The following SFMBT1 variants were observed in gnomAD, a reference collection of about 807,000 sequenced individuals.
SFMBT1 encodes the protein scm-like with four MBT domains protein 1.
A neutral mutation model predicts 108.7 loss-of-function variants in SFMBT1; 32 were observed. That is an observed-to-expected ratio of 0.29 (90% confidence interval 0.22 to 0.40). The LOEUF (loss-of-function observed/expected upper bound fraction) is 0.40. Among genes scored for constraint, SFMBT1 ranks in the 10% least tolerant of loss-of-function variants. The pLI is 1.00. For synonymous variants in SFMBT1, 348 were observed against 369.5 expected, an observed-to-expected ratio of 0.94 and a Z score of 0.67; for missense variants, 816 against 1,059.6, an observed-to-expected ratio of 0.77 and a Z score of 3.19.
At chr3:53,045,353 G>A (rs1230296725) in intron 1 of SFMBT1, 2 of 143,820 alleles carry the variant, frequency 1.4e-5, no homozygotes, top group African/African-American at 2.5e-5. Flanking sequence ...GTCCGCGGGG[G>A]CTCGGCGGGC....
At chr3:53,035,129 G>A (rs1412435111) in intron 1 of SFMBT1, among the ~76,000 whole-genome samples, 2 of 152,118 alleles carry the variant, frequency 1.3e-5, no homozygotes, top group East Asian at 1.9e-4. Context: ...GGAATAAGCT[G>A]GACAAATGGA....
intron 3 of SFMBT1, among the ~76,000 whole-genome samples, chr3:52,943,918 T>C (rs974257629): frequency 6.6e-6 from 1 of 152,226 alleles, no homozygotes; most frequent in African/African-American, 2.4e-5. Context: ...ACAAGAATGA[T>C]TTCTGCATCA....
chr3:52,926,267 G>C lies in SFMBT1; in HGVS notation c.1049-154C>G, dbSNP rs1702654612. On this transcript the variant is annotated intron_variant, in intron 9 of 20. Coordinates refer to ENST00000394752, the MANE Select transcript of SFMBT1 (RefSeq NM_016329.4). The stretch of plus-strand genomic sequence containing the variant: ...GGGCGAAAAGCATTCTATAAATCTA[G>C]AGCACTGTTAATTTTATAAAATAGA... Among the ~76,000 whole-genome samples the C allele has an allele frequency of 2.6e-5, 4 of 152,166 alleles. No homozygotes were observed. In the South Asian group the frequency reaches 8.3e-4, roughly 32 times the overall value.
chr3:52,983,365 T>G (rs1374806133), intron 1 of SFMBT1, among the ~76,000 whole-genome samples: 1 of 152,252 alleles, frequency 6.6e-6, no homozygotes, highest in East Asian at 1.9e-4. Flanking sequence ...AAATACGTGT[T>G]GATTGACTGC....
intron 2 of SFMBT1, among the ~76,000 whole-genome samples, chr3:52,962,036 T>G (rs61172708): frequency 0.09 from 13,770 of 152,238 alleles, 641 homozygotes; most frequent in African/African-American, 0.099. Flanking sequence ...TATGAAAATG[T>G]GCAAATTTTG....
rs1698508840 is a variant in SFMBT1, at chr3:53,000,455, G to C, written c.-130-31197C>G. ...GTATTGTGATCACACAATTACATTA[G>C]GAAAATGTCTTATTCTTAGAGATGT... On this transcript the variant is annotated intron_variant, in intron 1 of 20. Coordinates refer to ENST00000394752, the MANE Select transcript of SFMBT1 (RefSeq NM_016329.4). Among the ~76,000 whole-genome samples the C allele has an allele frequency of 1.3e-5, 2 of 149,708 alleles. 1 individual carries two copies. Among genetic ancestry groups the C allele is most frequent in the Admixed American group, 1.4e-4 (2 of 14,778 alleles).
chr3:52,950,063 T>C (rs1292618486), intron 3 of SFMBT1, among the ~76,000 whole-genome samples: 1 of 152,208 alleles, frequency 6.6e-6, no homozygotes, highest in African/African-American at 2.4e-5. Context: ...ATCTCCATCT[T>C]TTTAACAGTG....
intron 1 of SFMBT1, among the ~76,000 whole-genome samples, chr3:53,032,188 G>A (rs1699709146): frequency 6.6e-6 from 1 of 152,164 alleles, no homozygotes; most frequent in Admixed American, 6.5e-5. Flanking sequence ...TGGACAACAT[G>A]GCAAAACCCT....
intron 1 of SFMBT1, among the ~76,000 whole-genome samples, chr3:53,040,239 C>T (rs1699994707): frequency 6.6e-6 from 1 of 152,146 alleles, no homozygotes; most frequent in East Asian, 1.9e-4. Context: ...TAGTAGCCAC[C>T]TCAAATGCTT....
chr3:53,019,686 T>G (rs1699239619), intron 1 of SFMBT1, among the ~76,000 whole-genome samples: 1 of 152,196 alleles, frequency 6.6e-6, no homozygotes, highest in Non-Finnish European at 1.5e-5. Flanking sequence ...TTCACTGTCA[T>G]CATCCTAGTC....
intron 1 of SFMBT1, among the ~76,000 whole-genome samples, chr3:52,991,202 G>A (rs1233850842): frequency 6.6e-6 from 1 of 152,100 alleles, no homozygotes; most frequent in Non-Finnish European, 1.5e-5. Context: ...CAACAGTTCT[G>A]TTGTACACAC....
At chr3:52,953,665 T>C (rs1233781993) in intron 3 of SFMBT1, among the ~76,000 whole-genome samples, 1 of 152,206 alleles carries the variant, frequency 6.6e-6, no homozygotes, top group Non-Finnish European at 1.5e-5. Context: ...AATAATGCTA[T>C]TGAAATTACT....
intron 1 of SFMBT1, among the ~76,000 whole-genome samples, chr3:53,007,969 C>T (rs1010573664): frequency 1.3e-5 from 2 of 151,768 alleles, no homozygotes; most frequent in African/African-American, 4.8e-5. Flanking sequence ...ATTTCCAACC[C>T]ATCAAGACCA....
At chr3:52,931,975 T>C (rs962259832) in intron 6 of SFMBT1, 87 bp downstream of exon 6, 10 of 1,411,550 alleles carry the variant, frequency 7.1e-6, no homozygotes, top group African/African-American at 2.9e-5. Context: ...GTTTTCATAA[T>C]ATGCAGAATA....
chr3:52,920,332 G>A (rs1275375639), intron 12 of SFMBT1, among the ~76,000 whole-genome samples: 1 of 152,136 alleles, frequency 6.6e-6, no homozygotes, highest in Non-Finnish European at 1.5e-5. Context: ...AGATCCAGAC[G>A]ACCCACCTAA....
intron 14 of SFMBT1, among the ~76,000 whole-genome samples, chr3:52,914,779 T>G (rs1321744527): frequency 6.6e-6 from 1 of 152,108 alleles, no homozygotes; most frequent in Non-Finnish European, 1.5e-5. Context: ...TGGTCTATCA[T>G]AGTGGCCAGT....
At chr3:52,936,248 G>T (rs535617143) in intron 4 of SFMBT1, among the ~76,000 whole-genome samples, 5 of 152,202 alleles carry the variant, frequency 3.3e-5, no homozygotes, top group Admixed American at 2.0e-4. Flanking sequence ...CTTCCATAAA[G>T]AAAAATTTCT....
At chr3:52,969,585 C>T (rs1027247352) in intron 1 of SFMBT1, among the ~76,000 whole-genome samples, 3 of 152,130 alleles carry the variant, frequency 2.0e-5, no homozygotes, top group Non-Finnish European at 4.4e-5. Context: ...TTCCTATACA[C>T]AAAACTCCAG....
chr3:53,007,762 A>G (rs951492416), intron 1 of SFMBT1, among the ~76,000 whole-genome samples: 5 of 152,254 alleles, frequency 3.3e-5, no homozygotes, highest in Admixed American at 1.3e-4. Context: ...TCCATAAAAT[A>G]CCAATTACAA....
Sources: gnomAD v4.1 joint callset for allele counts (sites outside exome capture counted in the v4.1 genomes callset) on GRCh38, gnomAD v4.1.1 for gene constraint, MANE v1.5 for transcripts, NCBI Gene and HGNC (gene_info 2026-07-23, HGNC 2026-07-21) for gene names.